CPEB1: variants seen among roughly 807,000 people sequenced by gnomAD.
CPEB1 encodes cytoplasmic polyadenylation element-binding protein 1.
CPEB1 carries 7 observed loss-of-function variants against 65.8 expected under a neutral mutation model. The observed-to-expected ratio is 0.11, with a 90% CI of 0.06 to 0.20. The LOEUF (loss-of-function observed/expected upper bound fraction) is 0.20, where lower values mean the gene tolerates loss of function less well. Ranked by LOEUF, CPEB1 falls within the 10% of genes least tolerant of loss-of-function variation. The probability of loss-of-function intolerance (pLI) is 1.00; values close to 1 mark genes in which losing one functional copy is unlikely to be tolerated. For missense variants in CPEB1, 551 were observed against 712.2 expected (o/e 0.77, Z 2.58); for synonymous variants, 262 against 260.0 (o/e 1.01, Z -0.08).
intron 1 of CPEB1, among the ~76,000 whole-genome samples, chr15:82,631,588 G>T (rs549751171): frequency 2.0e-5 from 3 of 152,004 alleles, no homozygotes; most frequent in Admixed American, 2.0e-4. Flanking sequence ...CTGAACCAAC[G>T]AATACTGTCT....
chr15:82,571,350 G>A lies in CPEB1; in HGVS notation c.454C>T (p.His152Tyr). 6.2e-7 allele frequency: 1 copy of A among 1,612,186 alleles called. No individual in the cohort carries two copies. Residue 152 changes from histidine to tyrosine, a missense_variant, in exon 4 of 13, where the codon CAC (histidine) becomes TAC (tyrosine). This residue lies in a region of CPEB1 where 223 missense variants were observed against 228.6 expected (regional missense o/e 0.98). Coordinates refer to ENST00000684509, the MANE Select transcript of CPEB1 (RefSeq NM_001365242.1). ...DSDSSAQSSTHSVLSMLHNPL... is the reference protein window; with the variant it reads ...DSDSSAQSSTYSVLSMLHNPL... ...CTCATTCTCTGGCACTCACCCGAGT[G>A]TGTGCTGCTCTGGGCTGAGGAATCT...
intron 4 of CPEB1, among the ~76,000 whole-genome samples, chr15:82,569,807 A>G (rs2039732486): frequency 6.6e-6 from 1 of 152,190 alleles, no homozygotes. Context: ...TCAAACACTG[A>G]TCACCCACAG....
intron 3 of CPEB1, among the ~76,000 whole-genome samples, chr15:82,602,485 G>A (rs937737858): frequency 4.3e-4 from 66 of 152,086 alleles, no homozygotes; most frequent in Non-Finnish European, 1.0e-4. Flanking sequence ...GGAGTTTGAG[G>A]TTACAGTAAG....
intron 9 of CPEB1, among the ~76,000 whole-genome samples, chr15:82,550,881 A>G (rs986269933): frequency 1.3e-5 from 2 of 151,194 alleles, no homozygotes. Context: ...GCATCAGCCT[A>G]TAGCCAGTGA....
Position 82,614,883 on chromosome 15 carries a change from A to G in CPEB1, c.271+12310T>C, listed in dbSNP as rs200035798. ...TGTGTGTGTGTGTGTGTGTGTGTATATATATATATGACCTCAGCCAACGCT... is the reference window on the plus strand; with the variant it reads ...TGTGTGTGTGTGTGTGTGTGTGTATGTATATATATGACCTCAGCCAACGCT... On this transcript the variant is annotated intron_variant, in intron 3 of 12. Transcript: ENST00000684509. 5.5e-3 allele frequency among the ~76,000 whole-genome samples: 804 copies of G among 147,426 alleles called. 2 individuals carry two copies. The highest frequency in any genetic ancestry group is 0.011 in the East Asian group (57 of 4,974).
At chr15:82,574,722 C>CAAAAAAAAAAAAAAAAAAAAAAA (rs534968367) in intron 3 of CPEB1, among the ~76,000 whole-genome samples, 1 of 53,506 alleles carries the variant, frequency 1.9e-5, no homozygotes, top group Non-Finnish European at 3.4e-5. Flanking sequence ...GACTCGGTCT[C>CAAAAAAAAAAAAAAAAAAAAAAA]AAAAAAAAAA....
chr15:82,556,255 T>G, intron 5 of CPEB1, 133 bp from the exon 6 acceptor site: 1 of 1,036,086 alleles, frequency 9.7e-7, no homozygotes. Context: ...ACTTTCTTCC[T>G]GAGCAATTTT....
intron 1 of CPEB1, among the ~76,000 whole-genome samples, chr15:82,643,358 A>AC (rs2047251157): frequency 6.6e-6 from 1 of 152,188 alleles, no homozygotes; most frequent in South Asian, 2.1e-4. Flanking sequence ...GAGGCTGGGC[A>AC]CGGTGGCTCA....
chr15:82,638,111 C>A, intron 1 of CPEB1: 1 of 339,686 alleles, frequency 2.9e-6, no homozygotes, highest in Non-Finnish European at 6.1e-6. Context: ...TGAAGAAAAT[C>A]CAGCCTCACA....
intron 3 of CPEB1, among the ~76,000 whole-genome samples, chr15:82,600,714 A>G (rs187604321): frequency 1.3e-5 from 2 of 152,254 alleles, no homozygotes; most frequent in South Asian, 2.1e-4. Flanking sequence ...ATCAGTAAAT[A>G]TATGTTTGCC....
intron 3 of CPEB1, among the ~76,000 whole-genome samples, chr15:82,614,886 T>TATAC (rs1259988049): frequency 1.3e-5 from 2 of 151,630 alleles, no homozygotes; most frequent in African/African-American, 4.8e-5. Flanking sequence ...TGTGTATATA[T>TATAC]ATATATGACC....
chr15:82,558,224 GC>G (rs1243036708), intron 4 of CPEB1, among the ~76,000 whole-genome samples: 4 of 152,218 alleles, frequency 2.6e-5, no homozygotes, highest in Non-Finnish European at 5.9e-5. Context: ...TACAATAGCA[GC>G]AAAACTGCTG....
rs186661878 is a variant in CPEB1 at position 82,563,553 on chromosome 15, G to A, written c.461-5567C>T. ...GGCAGGATCTCACTCTGTTGCCCAGGCTGGTCTTGAACTCCTGGGCTCAAG... is the reference window on the plus strand; with the variant it reads ...GGCAGGATCTCACTCTGTTGCCCAGACTGGTCTTGAACTCCTGGGCTCAAG... On this transcript the variant is annotated intron_variant, in intron 4 of 12. Coordinates refer to ENST00000684509, the MANE Select transcript of CPEB1 (RefSeq NM_001365242.1). Among the ~76,000 whole-genome samples, 743 of 149,426 alleles carry A rather than the reference G, an allele frequency of 5.0e-3. 4 individuals are homozygous for A. The highest frequency in any genetic ancestry group is 8.3e-3 in the Non-Finnish European group (560 of 67,506).
intron 3 of CPEB1, among the ~76,000 whole-genome samples, chr15:82,605,671 C>T (rs1411350731): frequency 6.6e-6 from 1 of 152,176 alleles, no homozygotes; most frequent in Admixed American, 6.5e-5. Flanking sequence ...TCAATTATAT[C>T]TTAAAGCTAG....
chr15:82,627,357 GCTT>G lies in CPEB1; in HGVS notation c.104_106del (p.Glu35del), dbSNP rs542858157. ...GTCCCAGCAATCTTTTATCCTTCCT[GCTT>G]CTTCTTCCTAGACACAGAAAAAAAA... is the stretch of plus-strand genomic sequence containing the variant. On this transcript the variant is annotated inframe_deletion, in exon 3 of 13. Coordinates refer to ENST00000684509, the MANE Select transcript of CPEB1 (RefSeq NM_001365242.1). The G allele has an allele frequency of 2.3e-4, 371 of 1,610,354 alleles. No individual in the cohort carries two copies. In the African/African-American group the frequency reaches 2.9e-3, roughly 13 times the overall value.
At chr15:82,611,799 G>T (rs550457969) in intron 3 of CPEB1, among the ~76,000 whole-genome samples, 5 of 146,434 alleles carry the variant, frequency 3.4e-5, no homozygotes, top group Non-Finnish European at 7.5e-5. Flanking sequence ...CAAACCCAAA[G>T]AAAACAATAG....
At chr15:82,623,009 T>C (rs1034135376) in intron 3 of CPEB1, among the ~76,000 whole-genome samples, 2 of 152,020 alleles carry the variant, frequency 1.3e-5, no homozygotes, top group Non-Finnish European at 2.9e-5. Flanking sequence ...TGGCGGGAGG[T>C]ATCTGGTCCC....
At chr15:82,615,097 G>C (rs775044084) in intron 3 of CPEB1, among the ~76,000 whole-genome samples, 1 of 152,132 alleles carries the variant, frequency 6.6e-6, no homozygotes, top group Non-Finnish European at 1.5e-5. Context: ...TGTAAGCCAA[G>C]GTCACAGCAA....
At chr15:82,627,166 A>G in intron 3 of CPEB1, 27 bp downstream of exon 3, 1 of 1,596,738 alleles carries the variant, frequency 6.3e-7, no homozygotes, top group Non-Finnish European at 8.5e-7. Context: ...GATGCCTACC[A>G]CGTTCAAGTT....
Sources: gnomAD v4.1 joint callset for allele counts (sites outside exome capture counted in the v4.1 genomes callset) on GRCh38, gnomAD v4.1.1 for gene constraint, gnomAD v4.1.1 regional missense constraint, MANE v1.5 for transcripts, NCBI Gene and HGNC (gene_info 2026-07-23, HGNC 2026-07-21) for gene names.